Variants in OSBPL8 observed in about 807,000 individuals in gnomAD.
OSBPL8 encodes oxysterol binding protein like 8.
Under a neutral mutation model 125.5 loss-of-function variants are expected in OSBPL8, and 59 were observed. That is an observed-to-expected ratio of 0.47 (90% CI 0.38 to 0.58). The LOEUF (loss-of-function observed/expected upper bound fraction) is 0.58, where lower values mean the gene tolerates loss of function less well. Among genes scored for constraint, OSBPL8 ranks in the 20% least tolerant of loss-of-function variants. The probability of loss-of-function intolerance (pLI) is 0.00; values close to 1 mark genes in which losing one functional copy is unlikely to be tolerated. For synonymous variants in OSBPL8, 330 were observed against 338.9 expected (o/e 0.97, Z 0.29); for missense variants, 758 against 1,047.8 (o/e 0.72, Z 3.82).
intron 5 of OSBPL8, among the ~76,000 whole-genome samples, chr12:76,407,171 A>G (rs1246934573): frequency 6.6e-6 from 1 of 152,232 alleles, no homozygotes; most frequent in Non-Finnish European, 1.5e-5. Flanking sequence ...AGAATTCCAC[A>G]AGTATGAGGT....
At chr12:76,509,325 C>T (rs1174488653) in intron 1 of OSBPL8, among the ~76,000 whole-genome samples, 1 of 152,132 alleles carries the variant, frequency 6.6e-6, no homozygotes, top group East Asian at 1.9e-4. Flanking sequence ...CCTAACGATA[C>T]ATTTCTCAAA....
intron 21 of OSBPL8, among the ~76,000 whole-genome samples, chr12:76,364,771 G>C (rs1367674447): frequency 2.6e-5 from 4 of 152,076 alleles, no homozygotes; most frequent in Non-Finnish European, 5.9e-5. Flanking sequence ...GATTACTATA[G>C]CTTTATAGTA....
chr12:76,534,988 TAACTC>T (rs1253859298), intron 1 of OSBPL8, among the ~76,000 whole-genome samples: 2 of 152,118 alleles, frequency 1.3e-5, no homozygotes, highest in African/African-American at 4.8e-5. Context: ...AAACAAAAAT[TAACTC>T]AAAATGAATC....
At chr12:76,485,951 A>T (rs960950094) in intron 2 of OSBPL8, 1 of 347,894 alleles carries the variant, frequency 2.9e-6, no homozygotes, top group African/African-American at 2.2e-5. Flanking sequence ...GGTAAAGTTT[A>T]TCATAAAATA....
intron 4 of OSBPL8, among the ~76,000 whole-genome samples, chr12:76,429,652 C>T (rs1024437401): frequency 2.0e-5 from 3 of 151,980 alleles, no homozygotes; most frequent in Non-Finnish European, 2.9e-5. Context: ...TGTGTATGTT[C>T]TCAATAAATT....
chr12:76,556,798 G>C (rs143245630), intron 1 of OSBPL8, among the ~76,000 whole-genome samples: 235 of 152,164 alleles, frequency 1.5e-3, no homozygotes, highest in African/African-American at 5.5e-3. Flanking sequence ...CAAGTAGCTG[G>C]GATTACAGGC....
chr12:76,433,858 C>A (rs989018771), intron 4 of OSBPL8, among the ~76,000 whole-genome samples: 1 of 151,350 alleles, frequency 6.6e-6, no homozygotes, highest in Non-Finnish European at 1.5e-5. Flanking sequence ...CACCTGTAAT[C>A]CAGCTACTCA....
chr12:76,495,570 A>G (rs1879185930), intron 1 of OSBPL8, among the ~76,000 whole-genome samples: 1 of 152,032 alleles, frequency 6.6e-6, no homozygotes, highest in Admixed American at 6.6e-5. Context: ...ATACCAAAAT[A>G]TTATGCAAGT....
chr12:76,490,706 C>T (rs1878627696), intron 1 of OSBPL8, among the ~76,000 whole-genome samples: 1 of 152,220 alleles, frequency 6.6e-6, no homozygotes, highest in Non-Finnish European at 1.5e-5. Flanking sequence ...AGTGTGGATA[C>T]AAAAGGCTGT....
At chr12:76,438,674 G>A (rs191996538) in intron 4 of OSBPL8, among the ~76,000 whole-genome samples, 126 of 152,264 alleles carry the variant, frequency 8.3e-4, no homozygotes, top group African/African-American at 2.9e-3. Flanking sequence ...TTTGCTAAGA[G>A]TTTTTATCGT....
intron 2 of OSBPL8, among the ~76,000 whole-genome samples, chr12:76,475,699 C>T (rs1463272567): frequency 1.3e-5 from 2 of 152,212 alleles, no homozygotes; most frequent in East Asian, 3.9e-4. Flanking sequence ...ACCCTAGCCC[C>T]TGAACCCGTC....
intron 14 of OSBPL8, among the ~76,000 whole-genome samples, chr12:76,385,372 T>G: frequency 6.6e-6 from 1 of 152,172 alleles, no homozygotes; most frequent in South Asian, 2.1e-4. Context: ...TGATTATGGA[T>G]GTATATGAGT....
At chr12:76,504,129 CTCCAGACTGCCT>C (rs1880181790) in intron 1 of OSBPL8, among the ~76,000 whole-genome samples, 1 of 151,498 alleles carries the variant, frequency 6.6e-6, no homozygotes, top group South Asian at 2.1e-4. Flanking sequence ...GAAATTCTGC[CTCCAGACTGCCT>C]TCAGACTCAA....
chr12:76,385,548 G>A (rs1442490466), intron 14 of OSBPL8, among the ~76,000 whole-genome samples: 4 of 152,048 alleles, frequency 2.6e-5, no homozygotes, highest in Non-Finnish European at 5.9e-5. Flanking sequence ...AGAGCTTAAT[G>A]GATAATCACA....
intron 21 of OSBPL8, among the ~76,000 whole-genome samples, chr12:76,366,132 A>G (rs1214560715): frequency 5.3e-5 from 8 of 152,118 alleles, no homozygotes; most frequent in Non-Finnish European, 1.5e-5. Context: ...CATCTCTTCT[A>G]TTTTTTAGAG....
At chr12:76,466,186 G>A (rs1320600780) in intron 2 of OSBPL8, among the ~76,000 whole-genome samples, 1 of 151,910 alleles carries the variant, frequency 6.6e-6, no homozygotes, top group Non-Finnish European at 1.5e-5. Flanking sequence ...TAGGAGGTAG[G>A]ATTTTACTTA....
intron 5 of OSBPL8, among the ~76,000 whole-genome samples, chr12:76,410,264 C>A (rs536474775): frequency 6.6e-6 from 1 of 151,938 alleles, no homozygotes; most frequent in East Asian, 1.9e-4. Context: ...AGCCATAAAC[C>A]CTGAGAATAT....
chr12:76,395,549 C>T (rs540262099), intron 8 of OSBPL8, among the ~76,000 whole-genome samples: 44 of 120,648 alleles, frequency 3.6e-4, no homozygotes, highest in Non-Finnish European at 6.3e-4. Context: ...TAACAAATAC[C>T]GTAATAATCT....
chr12:76,392,766 G>T lies in OSBPL8; in HGVS notation c.758-14C>A. ...TCCAGCACCTTCCTAAAAGAACACA[G>T]ATTCATAAGCACTATAATTTTTAAA... On this transcript the variant is annotated splice_polypyrimidine_tract_variant and intron_variant, in intron 9 of 23. Transcript: ENST00000261183. 1 of 1,590,024 alleles carries T rather than the reference G, an allele frequency of 6.3e-7. No homozygotes were observed. The highest frequency in any genetic ancestry group is 8.6e-7 in the Non-Finnish European group (1 of 1,163,344).
Sources: allele counts gnomAD v4.1 joint callset (sites outside exome capture counted in the v4.1 genomes callset), GRCh38; gene constraint gnomAD v4.1.1; transcripts MANE v1.5; gene names NCBI Gene and HGNC (gene_info 2026-07-23, HGNC 2026-07-21).